The following BRD4 variants were observed in gnomAD, a reference collection of about 807,000 sequenced individuals.
The protein encoded by BRD4 is bromodomain containing 4, also known as bromodomain-containing protein 4.
Under a neutral mutation model 142.1 loss-of-function variants are expected in BRD4, and 16 were observed. That is an observed-to-expected ratio of 0.11 (90% CI 0.08 to 0.17). The LOEUF (loss-of-function observed/expected upper bound fraction) is 0.17. BRD4 is among the 10% of genes least tolerant of loss of function. The probability of loss-of-function intolerance (pLI) is 1.00; values close to 1 mark genes in which losing one functional copy is unlikely to be tolerated. For synonymous variants in BRD4, 833 were observed against 707.5 expected (o/e 1.18, Z -2.82); for missense variants, 1,424 against 1,810.9 (o/e 0.79, Z 3.88).
Position 15,244,782 on chromosome 19 carries a change from G to A in BRD4, c.2159-20C>T, listed in dbSNP as rs1422815559. The A allele has an allele frequency of 2.5e-6, 4 of 1,613,998 alleles. No homozygotes were observed. The highest frequency in any genetic ancestry group is 2.5e-6 in the Non-Finnish European group (3 of 1,180,036). On this transcript the variant is annotated intron_variant, in intron 11 of 19. Coordinates refer to ENST00000679869, the MANE Select transcript of BRD4 (RefSeq NM_001379291.1). ...CCATCTCTGCAGAGGAAAAGAGAAG[G>A]TAGTGAGGCTCTGGGGGAGAAGGTG...
intron 1 of BRD4, among the ~76,000 whole-genome samples, chr19:15,292,061 A>G (rs532335639): frequency 6.6e-6 from 1 of 152,326 alleles, no homozygotes; most frequent in South Asian, 2.1e-4. Context: ...ATAAACTGTA[A>G]GCAGTGCTGA....
intron 1 of BRD4, among the ~76,000 whole-genome samples, chr19:15,299,212 C>T (rs2047848196): frequency 6.6e-6 from 1 of 152,196 alleles, no homozygotes; most frequent in African/African-American, 2.4e-5. Context: ...AAGGCCCCAT[C>T]ACTCTATGAG....
chr19:15,322,343 C>A (rs544959800), intron 1 of BRD4, among the ~76,000 whole-genome samples: 1 of 152,186 alleles, frequency 6.6e-6, no homozygotes, highest in Non-Finnish European at 1.5e-5. Flanking sequence ...ACGATCTCGG[C>A]TCACTGCAAG....
intron 11 of BRD4, among the ~76,000 whole-genome samples, chr19:15,245,209 T>C (rs1242027178): frequency 1.3e-5 from 2 of 152,030 alleles, no homozygotes; most frequent in African/African-American, 4.8e-5. Context: ...GGGAGGGGAC[T>C]TGTCCAGGGT....
chr19:15,238,086 A>G lies in BRD4; in HGVS notation c.*291T>C, dbSNP rs1459070457. ...GCGGAGAGAAGGGCCTCTGCCCCGC[A>G]TGTGGGGATGCAGGGCTTGGGTCCA... On this transcript the variant is annotated 3_prime_UTR_variant, in exon 20 of 20. Coordinates refer to ENST00000679869, the MANE Select transcript of BRD4 (RefSeq NM_001379291.1). The surrounding 1 kb of genome is among the most constrained non-coding windows in gnomAD (Gnocchi z 7.2). The G allele has an allele frequency of 4.3e-6, 2 of 461,668 alleles. No homozygotes were observed. The highest frequency in any genetic ancestry group is 3.9e-6 in the Non-Finnish European group (1 of 253,960). 28.6% of individuals were successfully genotyped at this position (461,668 alleles called of 1,614,324 possible).
At chr19:15,278,214 A>G (rs143846056) in intron 1 of BRD4, among the ~76,000 whole-genome samples, 1,819 of 151,298 alleles carry the variant, frequency 0.012, 34 homozygotes, top group Admixed American at 0.018. Context: ...TTTGTGCAGC[A>G]TCCAACAGGC....
intron 1 of BRD4, among the ~76,000 whole-genome samples, chr19:15,292,777 C>CAAAAAAAAAAAAAAAAAA (rs57341445): frequency 7.2e-4 from 41 of 57,260 alleles, no homozygotes; most frequent in East Asian, 1.6e-3. Context: ...GACTCCGTCT[C>CAAAAAAAAAAAAAAAAAA]AAAAAAAAAA....
chr19:15,249,125 C>T (rs2047318114), intron 11 of BRD4: 1 of 1,309,930 alleles, frequency 7.6e-7, no homozygotes, highest in Non-Finnish European at 1.1e-6. Context: ...CTGGACATGA[C>T]TAATCCACCC....
intron 1 of BRD4, among the ~76,000 whole-genome samples, chr19:15,288,275 C>G (rs1405063569): frequency 6.6e-6 from 1 of 152,124 alleles, no homozygotes; most frequent in African/African-American, 2.4e-5. Context: ...GAGGTAATAT[C>G]ACATCTGCAA....
chr19:15,292,433 C>T (rs566023325), intron 1 of BRD4, among the ~76,000 whole-genome samples: 362 of 152,302 alleles, frequency 2.4e-3, no homozygotes, highest in Non-Finnish European at 3.6e-3. Flanking sequence ...GGGAAAACTA[C>T]CTGCCTAATA....
At chr19:15,313,199 G>A (rs915528060) in intron 1 of BRD4, among the ~76,000 whole-genome samples, 13 of 149,132 alleles carry the variant, frequency 8.7e-5, no homozygotes, top group African/African-American at 3.0e-4. Context: ...GTGAAACCCC[G>A]TCTCTCTACT....
chr19:15,284,631 C>A (rs1465014927), intron 1 of BRD4, among the ~76,000 whole-genome samples: 2 of 152,194 alleles, frequency 1.3e-5, no homozygotes, highest in Admixed American at 1.3e-4. Context: ...CCCAGATAAC[C>A]CATTCCATGC....
Position 15,257,032 on chromosome 19 carries a change from C to T in BRD4, c.1483G>A (p.Asp495Asn). ...GAGTCATCAGTCGAACTGTCACTGT[C>T]CGAGGAGCTATCGCTGCTGCTGTCG... ...SSDSSSDSSSDSDSSTDDSEE... is the reference protein window; with the variant it reads ...SSDSSSDSSSNSDSSTDDSEE... Residue 495 changes from aspartate (D) to asparagine (N), a missense_variant, in exon 8 of 20, where the codon GAC becomes AAC. Coordinates refer to ENST00000679869, the MANE Select transcript of BRD4 (RefSeq NM_001379291.1). 2 of 1,596,532 alleles carry T rather than the reference C, an allele frequency of 1.3e-6. No homozygotes were observed. The highest frequency in any genetic ancestry group is 1.7e-6 in the Non-Finnish European group (2 of 1,173,342).
intron 1 of BRD4, among the ~76,000 whole-genome samples, chr19:15,327,044 C>T (rs1568414276): frequency 6.6e-6 from 1 of 152,176 alleles, no homozygotes; most frequent in Non-Finnish European, 1.5e-5. Flanking sequence ...TACAACATGT[C>T]AACATGCTGA....
At chr19:15,303,318 A>G (rs1336319310) in intron 1 of BRD4, among the ~76,000 whole-genome samples, 1 of 152,170 alleles carries the variant, frequency 6.6e-6, no homozygotes, top group East Asian at 1.9e-4. Context: ...TATTTTTCAT[A>G]CTAATGCTTC....
chr19:15,324,058 G>A (rs930263771), intron 1 of BRD4, among the ~76,000 whole-genome samples: 6 of 152,134 alleles, frequency 3.9e-5, no homozygotes, highest in African/African-American at 1.4e-4. Flanking sequence ...GTGGGGCTGG[G>A]ACTGCACCCA....
At chr19:15,317,511 G>A (rs1783328475) in intron 1 of BRD4, among the ~76,000 whole-genome samples, 1 of 152,112 alleles carries the variant, frequency 6.6e-6, no homozygotes, top group African/African-American at 2.4e-5. Context: ...ACTTTACAGG[G>A]AAGCCTATTC....
At chr19:15,300,631 T>A in intron 1 of BRD4, among the ~76,000 whole-genome samples, 1 of 147,872 alleles carries the variant, frequency 6.8e-6, no homozygotes, top group Non-Finnish European at 1.5e-5. Context: ...AATAAAAAGA[T>A]AAATATATAC....
chr19:15,239,417 G>C lies in BRD4; in HGVS notation c.3551C>G (p.Pro1184Arg), dbSNP rs199833998. Residue 1184 changes from proline (P) to arginine (R), a missense_variant, in exon 17 of 20, where the codon CCG (proline) becomes CGG (arginine). Pro to Arg is a moderately radical substitution (Grantham distance 103, BLOSUM62 -2). Transcript: ENST00000679869. The surrounding 1 kb of genome is among the most constrained non-coding windows in gnomAD (Gnocchi z 7.4). ...APDKDKQKQEPKTPVAPKKDL... is the reference protein window; with the variant it reads ...APDKDKQKQERKTPVAPKKDL... ...CTTTTTGGGCGCAACTGGAGTCTTC[G>C]GCTCCTGTTTCTGTTTGTCCTTGTC... 1 of 1,614,054 alleles carries C rather than the reference G, an allele frequency of 6.2e-7. No individual in the cohort carries two copies.
Sources: gnomAD v4.1 joint callset for allele counts (sites outside exome capture counted in the v4.1 genomes callset) on GRCh38, gnomAD v4.1.1 for gene constraint, Gnocchi (gnomAD v3.1) non-coding constraint, MANE v1.5 for transcripts, NCBI Gene and HGNC (gene_info 2026-07-23, HGNC 2026-07-21) for gene names.